The following ZNF347 variants were observed in gnomAD, a reference collection of about 807,000 sequenced individuals.
ZNF347 encodes the protein zinc finger protein 347, also known as CTD-2620I22.7.
In ZNF347, 19 loss-of-function variants were observed where a neutral mutation model predicts 12.9. The observed-to-expected ratio is 1.47, with a 90% confidence interval of 1.03 to 2.16. ZNF347 has a LOEUF of 2.16. Ranked by LOEUF, ZNF347 falls within the 30% of genes most tolerant of loss-of-function variation. The pLI is 0.00. For synonymous variants in ZNF347, 328 were observed against 340.6 expected (o/e 0.96, Z 0.41); for missense variants, 1,005 against 990.6 (o/e 1.01, Z -0.19).
intron 2 of ZNF347, 27 bp downstream of exon 2, chr19:53,153,706 A>C: frequency 6.2e-7 from 1 of 1,612,074 alleles, no homozygotes. Context: ...TAAGAGACAG[A>C]ACAATCCACT....
At position 53,135,333 on chromosome 19, in the gene ZNF347, T is replaced by TGGG. The variant is rs2090381223; in HGVS notation, c.*4974_*4975insCCC. On this transcript the variant is annotated 3_prime_UTR_variant, in exon 5 of 5. Transcript: ENST00000334197. ...ATATATATATATATATATATATATA[T>TGGG]ATATATAGAGAGAGAGAGAGAGAGA... 1 of 68,500 alleles carries TGGG rather than the reference T, an allele frequency of 1.5e-5. No individual in the cohort carries two copies. Among genetic ancestry groups the TGGG allele is most frequent in the Non-Finnish European group, 2.7e-5 (1 of 36,874 alleles). The allele number at this position is 68,500 out of a possible 1,614,324, so 4.2% of individuals were successfully genotyped here.
chr19:53,155,934 A>G (rs2090530895), intron 1 of ZNF347, among the ~76,000 whole-genome samples: 1 of 151,046 alleles, frequency 6.6e-6, no homozygotes, highest in African/African-American at 2.4e-5. Context: ...GAAAAAACCC[A>G]ACTCTACATT....
chr19:53,150,360 C>A (rs1231540797), intron 2 of ZNF347, among the ~76,000 whole-genome samples: 1 of 152,150 alleles, frequency 6.6e-6, no homozygotes, highest in Non-Finnish European at 1.5e-5. Flanking sequence ...CTGTTTTCAC[C>A]ACATCCTCAC....
Position 53,143,436 on chromosome 19 carries a change from T to A in ZNF347, c.272-880A>T, listed in dbSNP as rs1357815760. Among the ~76,000 whole-genome samples the A allele has an allele frequency of 2.1e-5, 3 of 142,838 alleles. No individual in the cohort carries two copies. The East Asian group carries it at 6.5e-4, about 31-fold the overall frequency. 93.7% of individuals were successfully genotyped at this position (142,838 alleles called of 152,430 possible). ...TGTTCCCCTTCCTGTGTCCATGTGT[T>A]CTCATTGTTCAATTCCCACCTGTGA... is the stretch of plus-strand genomic sequence containing the variant. On this transcript the variant is annotated intron_variant, in intron 4 of 4. Coordinates refer to ENST00000334197, the MANE Select transcript of ZNF347 (RefSeq NM_032584.3).
At position 53,141,987 on chromosome 19, in the gene ZNF347, T is replaced by G; in HGVS notation, c.841A>C (p.Arg281=). ...PQNSHLASHQ[R]SHTKEKPYKC... ...TAAGGTTTCTCTTTAGTATGACTTCTCTGATGACTTGCAAGGTGTGAATTT... is the reference window on the plus strand; with the variant it reads ...TAAGGTTTCTCTTTAGTATGACTTCGCTGATGACTTGCAAGGTGTGAATTT... Residue 281 remains arginine (R), a synonymous_variant, in exon 5 of 5, where the codon AGA becomes CGA. Transcript: ENST00000334197. 6.2e-7 allele frequency: 1 copy of G among 1,614,120 alleles called. No homozygotes were observed. The highest frequency in any genetic ancestry group is 1.1e-5 in the South Asian group (1 of 91,060).
intron 1 of ZNF347, among the ~76,000 whole-genome samples, chr19:53,157,053 C>T (rs2090540438): frequency 6.6e-6 from 1 of 152,088 alleles, no homozygotes; most frequent in Non-Finnish European, 1.5e-5. Flanking sequence ...TACACTCGCC[C>T]ACACCCTACC....
At chr19:53,152,668 C>T (rs557793297) in intron 2 of ZNF347, among the ~76,000 whole-genome samples, 20 of 152,072 alleles carry the variant, frequency 1.3e-4, no homozygotes, top group Admixed American at 1.3e-4. Flanking sequence ...CAGTGGCTCA[C>T]GCCTGTAATC....
intron 4 of ZNF347, among the ~76,000 whole-genome samples, chr19:53,144,935 C>A (rs1468310716): frequency 1.3e-5 from 2 of 151,960 alleles, no homozygotes; most frequent in East Asian, 1.9e-4. Flanking sequence ...AAAATTGTAT[C>A]TAGTATCTTT....
At chr19:53,151,985 C>T (rs147234519) in intron 2 of ZNF347, among the ~76,000 whole-genome samples, 6,287 of 142,810 alleles carry the variant, frequency 0.044, 234 homozygotes, top group Middle Eastern at 0.067. Context: ...TCCAGCTACT[C>T]AGGAGGGTGA....
chr19:53,148,380 A>G (rs2090475958), intron 4 of ZNF347, among the ~76,000 whole-genome samples: 1 of 152,188 alleles, frequency 6.6e-6, no homozygotes, highest in Admixed American at 6.5e-5. Flanking sequence ...AGATGAAATA[A>G]CCCTTTTGTA....
chr19:53,153,963 C>A, intron 1 of ZNF347, 170 bp from the exon 2 acceptor site: 1 of 584,212 alleles, frequency 1.7e-6, no homozygotes. Flanking sequence ...CAGGGCAATG[C>A]AGGGACAAGA....
rs189831039 is a variant in ZNF347 at position 53,142,279 on chromosome 19, C to G, written c.549G>C (p.Gln183His). ...RDARNKLIKN[Q>H]LGLSLQSHLP... ...GATGTGACTGAAGGCTTAATCCAAG[C>G]TGATTTTTAATAAGCTTGTTTCTTG... The change falls in exon 5 of 5, where the codon CAG (glutamine) becomes CAC (histidine). Residue 183 changes from glutamine to histidine, a missense_variant. By Grantham distance (24) the Gln-to-His change is conservative. Coordinates refer to ENST00000334197, the MANE Select transcript of ZNF347 (RefSeq NM_032584.3). The G allele has an allele frequency of 3.1e-6, 5 of 1,613,704 alleles. No homozygotes were observed. The highest frequency in any genetic ancestry group is 4.2e-6 in the Non-Finnish European group (5 of 1,179,906).
rs1251132676 is a variant in ZNF347, at chr19:53,134,998, A to G, written c.*5310T>C. On this transcript the variant is annotated 3_prime_UTR_variant, in exon 5 of 5. Coordinates refer to ENST00000334197, the MANE Select transcript of ZNF347 (RefSeq NM_032584.3). ...CAATCACAATGATATATGAAGATAA[A>G]CCATTTAAAAATTACAAGAGATACT... The G allele has an allele frequency of 6.6e-6, 1 of 152,174 alleles. No homozygotes were observed. Among genetic ancestry groups the G allele is most frequent in the Non-Finnish European group, 1.5e-5 (1 of 68,034 alleles). The allele number at this position is 152,174 out of a possible 1,614,324, so 9.4% of individuals were successfully genotyped here. A position where few individuals can be genotyped will look rare whatever the true frequency, so the allele number is the denominator to read the frequency against.
chr19:53,140,214 CA>C lies in ZNF347; in HGVS notation c.*93del, dbSNP rs1599850202. The C allele has an allele frequency of 7.9e-7, 1 of 1,271,316 alleles. No homozygotes were observed. Among genetic ancestry groups the C allele is most frequent in the East Asian group, 2.3e-5 (1 of 42,730 alleles). The allele number at this position is 1,271,316 out of a possible 1,614,324, so 78.8% of individuals were successfully genotyped here. ...TGCACCCAGCCAGTCATTGCATTTT[CA>C]AGGAATCTCTCAGGCATAAATTCTC... On this transcript the variant is annotated 3_prime_UTR_variant, in exon 5 of 5. Transcript: ENST00000334197.
In ZNF347 at chr19:53,136,908, G is replaced by C. The variant is rs1324662772; in HGVS notation, c.*3400C>G. 2 of 151,932 alleles carry C rather than the reference G, an allele frequency of 1.3e-5. No individual in the cohort carries two copies. Among genetic ancestry groups the C allele is most frequent in the Non-Finnish European group, 2.9e-5 (2 of 67,980 alleles). 9.4% of individuals were successfully genotyped at this position (151,932 alleles called of 1,614,324 possible). A position where few individuals can be genotyped will look rare whatever the true frequency, so the allele number is the denominator to read the frequency against. On this transcript the variant is annotated 3_prime_UTR_variant, in exon 5 of 5. Coordinates refer to ENST00000334197, the MANE Select transcript of ZNF347 (RefSeq NM_032584.3). Reference sequence around the variant, plus strand: ...AGTTAGAAATTTCTTTTGTTTTTTTGAGAGTCTCACTCTATTGCCCAGGCT... The same window carrying C: ...AGTTAGAAATTTCTTTTGTTTTTTTCAGAGTCTCACTCTATTGCCCAGGCT...
chr19:53,148,603 C>G (rs886301135), intron 4 of ZNF347, 78 bp downstream of exon 4: 30 of 1,490,464 alleles, frequency 2.0e-5, no homozygotes, highest in Non-Finnish European at 2.7e-5. Flanking sequence ...TGTTTTCCCA[C>G]AGAACTCTCA....
At chr19:53,142,639 G>T in intron 4 of ZNF347, 83 bp from the exon 5 acceptor site, 1 of 1,081,740 alleles carries the variant, frequency 9.2e-7, no homozygotes, top group South Asian at 2.0e-5. Flanking sequence ...ATATTACACC[G>T]AAAAACAATA....
chr19:53,148,823 G>A lies in ZNF347; in HGVS notation c.143-14C>T, dbSNP rs1403179308. The A allele has an allele frequency of 6.2e-7, 1 of 1,611,604 alleles. No homozygotes were observed. Among genetic ancestry groups the A allele is most frequent in the African/African-American group, 1.3e-5 (1 of 74,766 alleles). ...AACAAGAGATTCCTGCTTATGAAAA[G>A]AAAGGAAAACAATGGGCTGTAGATT... On this transcript the variant is annotated splice_polypyrimidine_tract_variant and intron_variant, in intron 3 of 4. Transcript: ENST00000334197.
intron 4 of ZNF347, among the ~76,000 whole-genome samples, chr19:53,144,559 A>C (rs1317416203): frequency 6.6e-6 from 1 of 152,184 alleles, no homozygotes; most frequent in African/African-American, 2.4e-5. Context: ...GCAGAAAACC[A>C]ATAAAAAAAA....
Sources: gnomAD v4.1 joint callset for allele counts (sites outside exome capture counted in the v4.1 genomes callset) on GRCh38, gnomAD v4.1.1 for gene constraint, MANE v1.5 for transcripts, NCBI Gene and HGNC (gene_info 2026-07-23, HGNC 2026-07-21) for gene names.